The following DIPK1A variants were observed in gnomAD, a reference collection of about 807,000 sequenced individuals.
The protein encoded by DIPK1A is family with sequence similarity 69 member A.
Under a neutral mutation model 40.8 loss-of-function variants are expected in DIPK1A, and 27 were observed. The observed-to-expected ratio is 0.66, with a 90% CI of 0.49 to 0.91. The LOEUF (loss-of-function observed/expected upper bound fraction) is 0.91, where lower values mean the gene tolerates loss of function less well. Among genes scored for constraint, DIPK1A ranks in the 40% least tolerant of loss-of-function variants. DIPK1A has a pLI of 0.00. For synonymous variants in DIPK1A, 166 were observed against 171.3 expected (o/e 0.97, Z 0.24); for missense variants, 412 against 505.7 (o/e 0.81, Z 1.78).
At chr1:92,904,020 T>C (rs1649514820) in intron 1 of DIPK1A, among the ~76,000 whole-genome samples, 1 of 152,248 alleles carries the variant, frequency 6.6e-6, no homozygotes, top group African/African-American at 2.4e-5. Context: ...GTAAACCAGA[T>C]GGCCATTTCT....
At chr1:92,958,110 C>A (rs1350576745) in intron 1 of DIPK1A, among the ~76,000 whole-genome samples, 1 of 152,172 alleles carries the variant, frequency 6.6e-6, no homozygotes, top group Non-Finnish European at 1.5e-5. Context: ...AAGTTCTTTT[C>A]TTCACAGGCA....
intron 1 of DIPK1A, among the ~76,000 whole-genome samples, chr1:92,890,639 C>G (rs1352301026): frequency 2.0e-5 from 3 of 152,162 alleles, no homozygotes; most frequent in Non-Finnish European, 4.4e-5. Flanking sequence ...GTACGTTGAC[C>G]TATCTTTGCA....
intron 2 of DIPK1A, among the ~76,000 whole-genome samples, chr1:92,860,312 AG>A (rs1442476620): frequency 2.0e-5 from 3 of 152,130 alleles, no homozygotes; most frequent in African/African-American, 7.2e-5. Flanking sequence ...GTCTTGGATT[AG>A]GCTGAAAATA....
chr1:92,842,420 G>T lies in DIPK1A; in HGVS notation c.*963C>A. ...GTACATGCCAAATCTGAGTATACGT[G>T]TGAAAATAATATGAAAGAGGAGCAA... On this transcript the variant is annotated 3_prime_UTR_variant, in exon 5 of 5. Transcript: ENST00000370310. 1 of 980,272 alleles carries T rather than the reference G, an allele frequency of 1.0e-6. No homozygotes were observed. Among genetic ancestry groups the T allele is most frequent in the Non-Finnish European group, 1.2e-6 (1 of 825,324 alleles). The allele number at this position is 980,272 out of a possible 1,614,324, so 60.7% of individuals were successfully genotyped here.
At chr1:92,833,496 T>C in intron 4 of DIPK1A, 1 of 1,606,682 alleles carries the variant, frequency 6.2e-7, no homozygotes, top group Non-Finnish European at 8.5e-7. Flanking sequence ...ATTAATCTGC[T>C]TTGCAGATGC....
At chr1:92,854,612 C>A (rs1687925547) in intron 2 of DIPK1A, among the ~76,000 whole-genome samples, 1 of 152,226 alleles carries the variant, frequency 6.6e-6, no homozygotes, top group Non-Finnish European at 1.5e-5. Flanking sequence ...TGGAGAAGTT[C>A]CTGGACAAGC....
chr1:92,839,409 A>G (rs190206540), downstream of DIPK1A, among the ~76,000 whole-genome samples: 2 of 152,300 alleles, frequency 1.3e-5, no homozygotes, highest in East Asian at 1.9e-4. Flanking sequence ...GCTTTTCAGG[A>G]AAACTTCTGA....
At chr1:92,889,252 C>G (rs921271573) in intron 1 of DIPK1A, among the ~76,000 whole-genome samples, 1 of 152,164 alleles carries the variant, frequency 6.6e-6, no homozygotes. Flanking sequence ...ACACTACTTA[C>G]TGAAGAGATA....
chr1:92,953,082 A>T (rs568969477), intron 1 of DIPK1A, among the ~76,000 whole-genome samples: 1 of 152,352 alleles, frequency 6.6e-6, no homozygotes, highest in East Asian at 1.9e-4. Context: ...TTGAATAAAT[A>T]TCAATCTGAA....
rs1687435576 is a variant in DIPK1A, at chr1:92,842,986, A to T, written c.*397T>A. On this transcript the variant is annotated 3_prime_UTR_variant, in exon 5 of 5. Transcript: ENST00000370310. ...AACTTTACCATGCTAAGACATTAGT[A>T]AATTTATAAATTTTCTTGTTGAACA... 1 of 993,922 alleles carries T rather than the reference A, an allele frequency of 1.0e-6. No homozygotes were observed. The highest frequency in any genetic ancestry group is 1.1e-4 in the East Asian group (1 of 9,032). The allele number at this position is 993,922 out of a possible 1,614,324, so 61.6% of individuals were successfully genotyped here. A position where few individuals can be genotyped will look rare whatever the true frequency, so the allele number is the denominator to read the frequency against.
intron 1 of DIPK1A, among the ~76,000 whole-genome samples, chr1:92,928,629 C>CA (rs1650614733): frequency 6.6e-6 from 1 of 152,152 alleles, no homozygotes; most frequent in South Asian, 2.1e-4. Flanking sequence ...AAAATGTCTT[C>CA]AGTTAATCTT....
At chr1:92,893,300 T>C (rs1389267481) in intron 1 of DIPK1A, among the ~76,000 whole-genome samples, 1 of 151,492 alleles carries the variant, frequency 6.6e-6, no homozygotes, top group Non-Finnish European at 1.5e-5. Flanking sequence ...TAACAGCGGA[T>C]CTCTCGGCAG....
intron 1 of DIPK1A, among the ~76,000 whole-genome samples, chr1:92,894,432 A>G (rs931450270): frequency 1.3e-5 from 2 of 152,142 alleles, no homozygotes; most frequent in Non-Finnish European, 2.9e-5. Flanking sequence ...GAAGGCAGAA[A>G]TAAAGATGTT....
intron 1 of DIPK1A, among the ~76,000 whole-genome samples, chr1:92,924,372 T>A (rs1650396974): frequency 6.6e-6 from 1 of 151,928 alleles, no homozygotes. Flanking sequence ...AAATGTTGAG[T>A]AGAAATTTTG....
chr1:92,842,612 A>AC lies in DIPK1A; in HGVS notation c.*770dup. 4.7e-6 allele frequency: 4 copies of AC among 859,836 alleles called. No homozygotes were observed. The highest frequency in any genetic ancestry group is 5.2e-6 in the Non-Finnish European group (4 of 771,342). 53.3% of individuals were successfully genotyped at this position (859,836 alleles called of 1,614,324 possible). A position where few individuals can be genotyped will look rare whatever the true frequency, so the allele number is the denominator to read the frequency against. On this transcript the variant is annotated 3_prime_UTR_variant, in exon 5 of 5. Coordinates refer to ENST00000370310, the MANE Select transcript of DIPK1A (RefSeq NM_001006605.5). Reference sequence around the variant, plus strand: ...TATAATTTATTTTAGTCTTGCACTTACAGTCCCACTTTCACATAGTTCAAA... The same window carrying AC: ...TATAATTTATTTTAGTCTTGCACTTACCAGTCCCACTTTCACATAGTTCAAA...
chr1:92,869,590 C>A (rs1277291167), intron 2 of DIPK1A, among the ~76,000 whole-genome samples: 1 of 152,152 alleles, frequency 6.6e-6, no homozygotes, highest in Non-Finnish European at 1.5e-5. Context: ...TCTTTTGGAT[C>A]TTCTGTGTCT....
chr1:92,878,880 A>C (rs931202881), intron 1 of DIPK1A, among the ~76,000 whole-genome samples: 1 of 151,040 alleles, frequency 6.6e-6, no homozygotes, highest in Non-Finnish European at 1.5e-5. Context: ...GGTGGCATGC[A>C]CCTGTAATCC....
chr1:92,941,383 T>C (rs1389343213), intron 1 of DIPK1A, among the ~76,000 whole-genome samples: 1 of 152,224 alleles, frequency 6.6e-6, no homozygotes, highest in Non-Finnish European at 1.5e-5. Context: ...AACAGTAACC[T>C]ACCATCAAAA....
chr1:92,945,497 C>T (rs1448280321), intron 1 of DIPK1A, among the ~76,000 whole-genome samples: 3 of 152,080 alleles, frequency 2.0e-5, no homozygotes, highest in African/African-American at 7.2e-5. Context: ...AGAGTTGGCT[C>T]TGCACTAAAT....
Sources: allele counts gnomAD v4.1 joint callset (sites outside exome capture counted in the v4.1 genomes callset), GRCh38; gene constraint gnomAD v4.1.1; transcripts MANE v1.5; gene names NCBI Gene and HGNC (gene_info 2026-07-23, HGNC 2026-07-21).